Variants in SLC24A4 observed in about 807,000 individuals in gnomAD.
The protein encoded by SLC24A4 is solute carrier family 24 member 4, also known as sodium/potassium/calcium exchanger 4.
SLC24A4 carries 53 observed loss-of-function variants against 79.0 expected under a neutral mutation model. That is an observed-to-expected ratio of 0.67 (90% confidence interval 0.54 to 0.84). SLC24A4 has a LOEUF of 0.84. Among genes scored for constraint, SLC24A4 ranks in the 40% least tolerant of loss-of-function variants. The pLI, the probability that SLC24A4 is intolerant of heterozygous loss-of-function variation, is 0.00. For synonymous variants in SLC24A4, 323 were observed against 323.8 expected (o/e 1.00, Z 0.03); for missense variants, 731 against 822.0 (o/e 0.89, Z 1.35).
intron 2 of SLC24A4, among the ~76,000 whole-genome samples, chr14:92,361,189 G>A (rs368130113): frequency 2.0e-5 from 3 of 152,002 alleles, no homozygotes; most frequent in African/African-American, 4.8e-5. Flanking sequence ...TTCTCATCTC[G>A]AGGATGTTGA....
chr14:92,350,188 C>T (rs139359123), intron 2 of SLC24A4, among the ~76,000 whole-genome samples: 47 of 152,252 alleles, frequency 3.1e-4, no homozygotes, highest in African/African-American at 8.7e-4. Flanking sequence ...GGGTCATGTG[C>T]GGTTAAGTTC....
chr14:92,427,624 G>T (rs547956651), intron 2 of SLC24A4, among the ~76,000 whole-genome samples: 6 of 152,356 alleles, frequency 3.9e-5, no homozygotes, highest in Non-Finnish European at 8.8e-5. Context: ...CAGGGCTTGT[G>T]CAGGATTGGC....
intron 2 of SLC24A4, among the ~76,000 whole-genome samples, chr14:92,382,638 G>A (rs1268700347): frequency 6.6e-6 from 1 of 152,170 alleles, no homozygotes; most frequent in Admixed American, 6.5e-5. Context: ...CTTGCCATTG[G>A]TGGTCATCAG....
chr14:92,334,649 G>C (rs1157656893), intron 2 of SLC24A4, among the ~76,000 whole-genome samples: 1 of 152,144 alleles, frequency 6.6e-6, no homozygotes, highest in African/African-American at 2.4e-5. Context: ...CTTGAAGATG[G>C]TAGTTGGACA....
intron 13 of SLC24A4, chr14:92,484,843 A>G: frequency 4.1e-6 from 4 of 985,454 alleles, no homozygotes; most frequent in Non-Finnish European, 4.8e-6. Context: ...ATTAAGGGTG[A>G]TTACCTGGTA....
At chr14:92,324,094 C>A in intron 1 of SLC24A4, 134 bp downstream of exon 1, 2 of 1,258,842 alleles carry the variant, frequency 1.6e-6, no homozygotes, top group Non-Finnish European at 2.1e-6. Context: ...CCCCTCCCCG[C>A]CGGGCAGGTA....
chr14:92,439,488 G>A (rs1475591527), intron 4 of SLC24A4, 79 bp downstream of exon 4: 10 of 1,308,884 alleles, frequency 7.6e-6, no homozygotes, highest in South Asian at 1.2e-5. Flanking sequence ...AGAAGGCCAG[G>A]GCTGGCGTGG....
At chr14:92,350,109 C>G (rs1301363915) in intron 2 of SLC24A4, among the ~76,000 whole-genome samples, 1 of 152,174 alleles carries the variant, frequency 6.6e-6, no homozygotes, top group Non-Finnish European at 1.5e-5. Context: ...GTGTTGAGCC[C>G]TGTTGAAGTC....
chr14:92,491,473 C>T (rs962018684), intron 14 of SLC24A4, among the ~76,000 whole-genome samples, 192 bp from the exon 15 acceptor site: 2 of 152,196 alleles, frequency 1.3e-5, no homozygotes, highest in African/African-American at 4.8e-5. Context: ...GGGTCACAGT[C>T]AACCCATAAT....
At chr14:92,356,931 A>G (rs766593383) in intron 2 of SLC24A4, among the ~76,000 whole-genome samples, 69 of 152,230 alleles carry the variant, frequency 4.5e-4, no homozygotes, top group Non-Finnish European at 8.8e-4. Flanking sequence ...AATGAATCTT[A>G]TGCAAATGAT....
intron 2 of SLC24A4, among the ~76,000 whole-genome samples, chr14:92,433,300 T>TC (rs1891976171): frequency 6.6e-6 from 1 of 152,234 alleles, no homozygotes; most frequent in Non-Finnish European, 1.5e-5. Context: ...ACTGAGCAGA[T>TC]GAGTTGCTCA....
chr14:92,427,964 C>G (rs988776807), intron 2 of SLC24A4, among the ~76,000 whole-genome samples: 3 of 152,188 alleles, frequency 2.0e-5, no homozygotes, highest in Admixed American at 6.5e-5. Flanking sequence ...AGAGATAAGG[C>G]ACCATGTATG....
intron 2 of SLC24A4, among the ~76,000 whole-genome samples, chr14:92,421,708 A>G (rs1203561356): frequency 2.0e-5 from 3 of 152,042 alleles, no homozygotes; most frequent in South Asian, 4.1e-4. Flanking sequence ...AGGTTTCACC[A>G]TGTTGCCCAG....
intron 10 of SLC24A4, chr14:92,451,625 C>G (rs1331837947): frequency 6.6e-6 from 1 of 152,202 alleles, no homozygotes; most frequent in Non-Finnish European, 1.5e-5. Context: ...CATAGAAAAC[C>G]CAAAGTTTTA....
Position 92,473,294 on chromosome 14 carries a change from C to A in SLC24A4, c.1256-9386C>A, listed in dbSNP as rs527926364. Among the ~76,000 whole-genome samples, 22 of 152,294 alleles carry A rather than the reference C, an allele frequency of 1.4e-4. No individual in the cohort carries two copies. The South Asian group carries it at 1.9e-3, about 13-fold the overall frequency. On this transcript the variant is annotated intron_variant, in intron 12 of 16. Transcript: ENST00000532405. The stretch of plus-strand genomic sequence containing the variant: ...GAAATCTGTGTGTGAACAAGCCCCC[C>A]AGGTAATGTGGCTGTTCAGTTGGTT...
chr14:92,494,329 A>T lies in SLC24A4; in HGVS notation c.*701A>T, dbSNP rs905252205. On this transcript the variant is annotated 3_prime_UTR_variant, in exon 17 of 17. Transcript: ENST00000532405. This position sits in a 1 kb window ranked among gnomAD's most constrained non-coding sequence, Gnocchi z 4.6. Reference sequence around the variant, plus strand: ...GAAATATTAAAAAATGAAACATCATATAGGTCATCATACTTGAAAATTATC... The same window carrying T: ...GAAATATTAAAAAATGAAACATCATTTAGGTCATCATACTTGAAAATTATC... The T allele has an allele frequency of 5.2e-5, 8 of 152,458 alleles. No homozygotes were observed. Among genetic ancestry groups the T allele is most frequent in the Non-Finnish European group, 8.8e-5 (6 of 68,068 alleles). The allele number at this position is 152,458 out of a possible 1,614,324, so 9.4% of individuals were successfully genotyped here. A position where few individuals can be genotyped will look rare whatever the true frequency, so the allele number is the denominator to read the frequency against.
intron 2 of SLC24A4, among the ~76,000 whole-genome samples, chr14:92,330,240 A>G (rs1168652210): frequency 1.3e-5 from 2 of 152,252 alleles, no homozygotes; most frequent in Admixed American, 1.3e-4. Context: ...TAGGTGTTCA[A>G]TAAATATTTG....
intron 2 of SLC24A4, among the ~76,000 whole-genome samples, chr14:92,326,241 C>T (rs1228759604): frequency 6.7e-6 from 1 of 150,174 alleles, no homozygotes; most frequent in Non-Finnish European, 1.5e-5. Context: ...TCACAATGTT[C>T]CTGAAGGCTA....
At chr14:92,430,551 C>T (rs1394969278) in intron 2 of SLC24A4, among the ~76,000 whole-genome samples, 1 of 152,214 alleles carries the variant, frequency 6.6e-6, no homozygotes, top group Non-Finnish European at 1.5e-5. Context: ...TCCAGCTTCC[C>T]TGGGCCCTGC....
Sources: gnomAD v4.1 joint callset for allele counts (sites outside exome capture counted in the v4.1 genomes callset) on GRCh38, gnomAD v4.1.1 for gene constraint, Gnocchi (gnomAD v3.1) non-coding constraint, MANE v1.5 for transcripts, NCBI Gene and HGNC (gene_info 2026-07-23, HGNC 2026-07-21) for gene names.